RSPO2: variants seen among roughly 807,000 people sequenced by gnomAD.
The protein encoded by RSPO2 is R-spondin-2.
RSPO2 carries 14 observed loss-of-function variants against 30.9 expected under a neutral mutation model. The ratio of observed to expected loss-of-function variants is 0.45; its 90% CI spans 0.30 to 0.71. The LOEUF is 0.71. Among genes scored for constraint, RSPO2 ranks in the 30% least tolerant of loss-of-function variants. RSPO2 has a pLI of 0.08. For missense variants in RSPO2, 264 were observed against 301.9 expected, an observed-to-expected ratio of 0.87 and a Z score of 0.93; for synonymous variants, 107 against 96.4, an observed-to-expected ratio of 1.11 and a Z score of -0.64.
intron 2 of RSPO2, among the ~76,000 whole-genome samples, chr8:108,008,433 C>T (rs1368626740): frequency 6.6e-6 from 1 of 152,120 alleles, no homozygotes; most frequent in Non-Finnish European, 1.5e-5. Flanking sequence ...TCTGAGGATT[C>T]AGCTCCACAA....
chr8:107,986,675 G>C (rs1184148100), intron 3 of RSPO2, among the ~76,000 whole-genome samples: 1 of 151,964 alleles, frequency 6.6e-6, no homozygotes, highest in Non-Finnish European at 1.5e-5. Context: ...TACATTATAC[G>C]GCCACCCTAT....
chr8:108,033,558 C>T (rs1811497509), intron 2 of RSPO2, among the ~76,000 whole-genome samples: 1 of 152,156 alleles, frequency 6.6e-6, no homozygotes, highest in African/African-American at 2.4e-5. Flanking sequence ...TCAATTACCC[C>T]AGAGACTGAG....
At chr8:107,916,808 A>G (rs796242698) in intron 5 of RSPO2, among the ~76,000 whole-genome samples, 49 of 152,340 alleles carry the variant, frequency 3.2e-4, no homozygotes, top group African/African-American at 1.1e-3. Flanking sequence ...ATCTCAGTCC[A>G]TGTGCCCAAA....
intron 2 of RSPO2, among the ~76,000 whole-genome samples, chr8:108,032,917 G>A (rs1811468010): frequency 6.6e-6 from 1 of 151,764 alleles, no homozygotes. Flanking sequence ...GGGTGTGGTG[G>A]CAGGCACCTG....
At chr8:108,060,148 C>T (rs550300003) in intron 2 of RSPO2, among the ~76,000 whole-genome samples, 39 of 151,892 alleles carry the variant, frequency 2.6e-4, no homozygotes, top group Admixed American at 7.9e-4. Context: ...CTGAGGAACA[C>T]AGCTCCTCGC....
intron 3 of RSPO2, among the ~76,000 whole-genome samples, chr8:107,966,043 G>A (rs1292163814): frequency 4.6e-5 from 7 of 152,142 alleles, no homozygotes; most frequent in East Asian, 1.9e-4. Context: ...GGCAAGTGAC[G>A]GGTCCAGTGA....
intron 2 of RSPO2, among the ~76,000 whole-genome samples, chr8:108,039,974 C>G (rs532381671): frequency 1.2e-4 from 19 of 152,166 alleles, no homozygotes; most frequent in African/African-American, 4.6e-4. Flanking sequence ...TGTCCCTCAC[C>G]AGAGAATGAC....
rs1448451276 is a variant in RSPO2, at chr8:107,899,881, T to C, written c.*1194A>G. 6.6e-6 allele frequency: 1 copy of C among 152,236 alleles called. No homozygotes were observed. The highest frequency in any genetic ancestry group is 1.9e-4 in the East Asian group (1 of 5,192). 9.4% of individuals were successfully genotyped at this position (152,236 alleles called of 1,614,324 possible). A position where few individuals can be genotyped will look rare whatever the true frequency, so the allele number is the denominator to read the frequency against. On this transcript the variant is annotated 3_prime_UTR_variant, in exon 6 of 6. Coordinates refer to ENST00000276659, the MANE Select transcript of RSPO2 (RefSeq NM_178565.5). ...CAGATTCTGGCTCAACAGAAACCTG[T>C]TAAGATCTGACTGGCAGTCACAGAA...
chr8:108,066,117 C>T (rs1188651096), intron 2 of RSPO2, among the ~76,000 whole-genome samples: 1 of 152,144 alleles, frequency 6.6e-6, no homozygotes, highest in Non-Finnish European at 1.5e-5. Flanking sequence ...GTTACAAGGG[C>T]CAAATCTAAG....
At chr8:108,007,633 C>G (rs1462311771) in intron 2 of RSPO2, among the ~76,000 whole-genome samples, 1 of 152,182 alleles carries the variant, frequency 6.6e-6, no homozygotes, top group Admixed American at 6.5e-5. Flanking sequence ...GCAAACAGAA[C>G]TTGATACTGT....
chr8:107,948,862 A>ATAAATAAAT (rs1416072247), intron 5 of RSPO2, among the ~76,000 whole-genome samples: 7 of 145,254 alleles, frequency 4.8e-5, no homozygotes, highest in East Asian at 2.0e-4. Context: ...TCCATCTCAA[A>ATAAATAAAT]AAAAAAATAA....
In RSPO2 at chr8:108,023,650, C is replaced by A. The variant is rs4735034; in HGVS notation, c.95-34406G>T. Among the ~76,000 whole-genome samples the A allele has an allele frequency of 6.5e-3, 990 of 152,178 alleles. 6 individuals are homozygous for A. The highest frequency in any genetic ancestry group is 9.4e-3 in the Non-Finnish European group (642 of 67,998). On this transcript the variant is annotated intron_variant, in intron 2 of 5. Coordinates refer to ENST00000276659, the MANE Select transcript of RSPO2 (RefSeq NM_178565.5). ...GCAGCTCTGCAAATATCCTTATTTG[C>A]AAATCCATAATATATATGGCTCTAC...
At chr8:108,053,844 A>C (rs544304983) in intron 2 of RSPO2, among the ~76,000 whole-genome samples, 2 of 152,260 alleles carry the variant, frequency 1.3e-5, no homozygotes, top group South Asian at 2.1e-4. Flanking sequence ...TATACAGTGA[A>C]TACCATATAC....
At chr8:107,930,993 T>G (rs1253310953) in intron 5 of RSPO2, among the ~76,000 whole-genome samples, 1 of 152,196 alleles carries the variant, frequency 6.6e-6, no homozygotes, top group African/African-American at 2.4e-5. Flanking sequence ...GCTAATTTGT[T>G]TCAGGGAATA....
At chr8:108,062,774 A>T (rs537736548) in intron 2 of RSPO2, among the ~76,000 whole-genome samples, 54 of 151,964 alleles carry the variant, frequency 3.6e-4, no homozygotes, top group Non-Finnish European at 6.6e-4. Context: ...TTGATGCAAA[A>T]ATCCTCAATA....
chr8:107,915,767 G>A (rs910257716), intron 5 of RSPO2, among the ~76,000 whole-genome samples: 4 of 152,126 alleles, frequency 2.6e-5, no homozygotes, highest in East Asian at 1.9e-4. Flanking sequence ...GGTGACTAGT[G>A]TCTGTTTTGT....
At chr8:108,042,519 C>T (rs544864931) in intron 2 of RSPO2, among the ~76,000 whole-genome samples, 13 of 152,102 alleles carry the variant, frequency 8.5e-5, no homozygotes, top group Non-Finnish European at 1.5e-4. Flanking sequence ...GCTCAATACC[C>T]GTGCCGTGCT....
chr8:107,996,614 A>T (rs1376873794), intron 2 of RSPO2, among the ~76,000 whole-genome samples: 1 of 152,210 alleles, frequency 6.6e-6, no homozygotes, highest in Non-Finnish European at 1.5e-5. Flanking sequence ...CACATGCTAA[A>T]GTTGAAGCTA....
chr8:108,011,148 A>AAAAAG (rs1554581784), intron 2 of RSPO2, among the ~76,000 whole-genome samples: 67 of 140,412 alleles, frequency 4.8e-4, no homozygotes, highest in Non-Finnish European at 6.7e-4. Context: ...AAAAAAAAAA[A>AAAAAG]AAAGAAAGAA....
Sources: gnomAD v4.1 joint callset for allele counts (sites outside exome capture counted in the v4.1 genomes callset) on GRCh38, gnomAD v4.1.1 for gene constraint, MANE v1.5 for transcripts, NCBI Gene and HGNC (gene_info 2026-07-23, HGNC 2026-07-21) for gene names.